PMS1: variants seen among roughly 807,000 people sequenced by gnomAD.
PMS1 encodes PMS1 homolog 1, mismatch repair system component.
PMS1 carries 79 observed loss-of-function variants against 93.1 expected under a neutral mutation model. The ratio of observed to expected loss-of-function variants is 0.85; its 90% CI spans 0.71 to 1.02. PMS1 has a LOEUF of 1.02. Ranked by LOEUF, PMS1 falls within the 50% of genes least tolerant of loss-of-function variation. PMS1 has a pLI of 0.00. For missense variants in PMS1, 1,064 were observed against 1,085.3 expected, an observed-to-expected ratio of 0.98 and a Z score of 0.28; for synonymous variants, 335 against 363.4, an observed-to-expected ratio of 0.92 and a Z score of 0.89.
Position 189,810,124 on chromosome 2 carries a change from G to A in PMS1, c.418+4370G>A, listed in dbSNP as rs139920784. On this transcript the variant is annotated intron_variant, in intron 4 of 12. Coordinates refer to ENST00000441310, the MANE Select transcript of PMS1 (RefSeq NM_000534.5). ...AAAATGAAGCCACTGACTGCCTAGA[G>A]AGAGGTTAGCAAGTTTTTCAGAAAA... Among the ~76,000 whole-genome samples the A allele has an allele frequency of 5.5e-3, 830 of 152,252 alleles. 8 individuals are homozygous for A. The highest frequency in any genetic ancestry group is 8.9e-3 in the Non-Finnish European group (607 of 68,024).
intron 5 of PMS1, among the ~76,000 whole-genome samples, chr2:189,835,906 CAAAAA>C (rs3067429): frequency 4.6e-5 from 4 of 87,014 alleles, no homozygotes; most frequent in Non-Finnish European, 9.8e-5. Flanking sequence ...TAGCCTGTCT[CAAAAA>C]AAAAAAAAAA....
chr2:189,852,864 T>A, intron 7 of PMS1, 87 bp downstream of exon 7: 11 of 831,304 alleles, frequency 1.3e-5, no homozygotes, highest in Admixed American at 1.1e-4. Context: ...TGCTCTAAAA[T>A]AAAAAAAAAG....
intron 6 of PMS1, 101 bp from the exon 7 acceptor site, chr2:189,852,554 A>T: frequency 9.9e-7 from 1 of 1,014,920 alleles, no homozygotes; most frequent in Non-Finnish European, 1.5e-6. Flanking sequence ...CTTAAGATGA[A>T]AATCTGTTTT....
intron 5 of PMS1, among the ~76,000 whole-genome samples, chr2:189,833,895 C>G (rs1363101425): frequency 6.6e-6 from 1 of 152,190 alleles, no homozygotes; most frequent in Non-Finnish European, 1.5e-5. Flanking sequence ...GAGACCACCA[C>G]AATCTTCCTT....
At chr2:189,787,072 A>G (rs1212983592) in intron 1 of PMS1, among the ~76,000 whole-genome samples, 2 of 152,176 alleles carry the variant, frequency 1.3e-5, no homozygotes, top group Non-Finnish European at 2.9e-5. Context: ...AAAAAAAGAA[A>G]GAGAAAGATT....
At chr2:189,840,313 G>A (rs922233348) in intron 5 of PMS1, among the ~76,000 whole-genome samples, 3 of 152,176 alleles carry the variant, frequency 2.0e-5, no homozygotes, top group Non-Finnish European at 2.9e-5. Context: ...AGCTGGATCG[G>A]TTATAACTTA....
intron 6 of PMS1, among the ~76,000 whole-genome samples, chr2:189,849,519 T>C (rs5743117): frequency 0.1 from 15,785 of 152,202 alleles, 1,181 homozygotes; most frequent in East Asian, 0.21. Context: ...TTCATATTGC[T>C]CTATCATTTC....
intron 5 of PMS1, among the ~76,000 whole-genome samples, chr2:189,826,879 G>A (rs1272447193): frequency 2.6e-5 from 4 of 152,160 alleles, no homozygotes; most frequent in Non-Finnish European, 5.9e-5. Context: ...GTAAGTGTAT[G>A]AAACACTAGT....
intron 3 of PMS1, among the ~76,000 whole-genome samples, chr2:189,804,781 A>C (rs950639675): frequency 6.6e-6 from 1 of 152,162 alleles, no homozygotes; most frequent in African/African-American, 2.4e-5. Context: ...CTTCGTATAA[A>C]GATGGCCAAG....
chr2:189,868,973 A>G (rs185834704), intron 11 of PMS1, among the ~76,000 whole-genome samples: 161 of 152,332 alleles, frequency 1.1e-3, no homozygotes, highest in Non-Finnish European at 2.0e-3. Flanking sequence ...TTGAATAATT[A>G]TTATGTACAG....
chr2:189,853,787 G>T (rs541576062), intron 7 of PMS1, 152 bp from the exon 8 acceptor site: 17 of 521,178 alleles, frequency 3.3e-5, no homozygotes, highest in Non-Finnish European at 5.6e-5. Flanking sequence ...AAAGTGCTGG[G>T]ATCCCAGGCA....
chr2:189,852,672 T>C lies in PMS1; in HGVS notation c.717T>C (p.Phe239=), dbSNP rs2054868880. ...TTATATAGATTTATCTCAGTGGATT[T>C]CTTCCAAAGTGTGATGCAGACCACT... The part of the protein sequence containing the change: ...SEESQIYLSG[F]LPKCDADHSF... Residue 239 remains phenylalanine (F), a synonymous_variant, in exon 7 of 13, where the codon TTT becomes TTC. Transcript: ENST00000441310. 1 of 1,605,260 alleles carries C rather than the reference T, an allele frequency of 6.2e-7. No homozygotes were observed. The highest frequency in any genetic ancestry group is 8.5e-7 in the Non-Finnish European group (1 of 1,172,116).
intron 1 of PMS1, among the ~76,000 whole-genome samples, chr2:189,788,646 T>A (rs1307281840): frequency 6.6e-6 from 1 of 152,142 alleles, no homozygotes; most frequent in Admixed American, 6.5e-5. Context: ...ACAGATTTTT[T>A]AAAAGGTTAG....
intron 6 of PMS1, among the ~76,000 whole-genome samples, chr2:189,844,817 T>C (rs1004511548): frequency 4.7e-4 from 72 of 151,860 alleles, no homozygotes; most frequent in African/African-American, 1.7e-3. Flanking sequence ...ATATCAGCAA[T>C]AGTTTTATAT....
intron 5 of PMS1, among the ~76,000 whole-genome samples, chr2:189,830,361 T>C (rs2052817489): frequency 6.6e-6 from 1 of 152,158 alleles, no homozygotes; most frequent in African/African-American, 2.4e-5. Context: ...CTGTCGCATT[T>C]GTAGTTTCTT....
At chr2:189,793,444 T>G (rs1373201405) in intron 2 of PMS1, among the ~76,000 whole-genome samples, 2 of 152,222 alleles carry the variant, frequency 1.3e-5, no homozygotes, top group Non-Finnish European at 2.9e-5. Flanking sequence ...TCTGTTCTGT[T>G]TTGAATACAC....
intron 4 of PMS1, among the ~76,000 whole-genome samples, chr2:189,808,124 A>G (rs944078157): frequency 6.6e-6 from 1 of 152,042 alleles, no homozygotes; most frequent in Non-Finnish European, 1.5e-5. Flanking sequence ...TTACAGTTCA[A>G]CCATCCTAAT....
chr2:189,809,065 CTGTT>C (rs1465035937), intron 4 of PMS1, among the ~76,000 whole-genome samples: 1 of 152,168 alleles, frequency 6.6e-6, no homozygotes, highest in African/African-American at 2.4e-5. Flanking sequence ...TTTTCCTACC[CTGTT>C]ACTAGAGTTT....
Position 189,864,286 on chromosome 2 carries a change from G to C in PMS1, c.2342+58G>C. On this transcript the variant is annotated intron_variant, in intron 10 of 12. Transcript: ENST00000441310. ...ATATTTATTATAATAGTTCATACTA[G>C]ATTAAAATCGAAGGTAGAAGGTTGG... The C allele has an allele frequency of 1.6e-5, 18 of 1,148,402 alleles. No individual in the cohort carries two copies. In the South Asian group the frequency reaches 2.2e-4, roughly 14 times the overall value. The allele number at this position is 1,148,402 out of a possible 1,614,324, so 71.1% of individuals were successfully genotyped here. A position where few individuals can be genotyped will look rare whatever the true frequency, so the allele number is the denominator to read the frequency against.
Sources: gnomAD v4.1 joint callset for allele counts (sites outside exome capture counted in the v4.1 genomes callset) on GRCh38, gnomAD v4.1.1 for gene constraint, MANE v1.5 for transcripts, NCBI Gene and HGNC (gene_info 2026-07-23, HGNC 2026-07-21) for gene names.